The following BRAT1 variants were observed in gnomAD, a reference collection of about 807,000 sequenced individuals.
The protein encoded by BRAT1 is BRCA1 associated ATM activator 1, also known as integrator complex assembly factor BRAT1.
In BRAT1, 74 loss-of-function variants were observed where a neutral mutation model predicts 70.6. That is an observed-to-expected ratio of 1.05 (90% CI 0.87 to 1.27). The LOEUF (loss-of-function observed/expected upper bound fraction) is 1.27, where lower values mean the gene tolerates loss of function less well. BRAT1 is among the 50% of genes most tolerant of loss of function. The pLI, the probability that BRAT1 is intolerant of heterozygous loss-of-function variation, is 0.00. For synonymous variants in BRAT1, 615 were observed against 517.1 expected, an observed-to-expected ratio of 1.19 and a Z score of -2.57; for missense variants, 1,203 against 1,098.2, an observed-to-expected ratio of 1.10 and a Z score of -1.35.
Position 2,539,681 on chromosome 7 carries a change from C to T in BRAT1, c.1499-39G>A, listed in dbSNP as rs113400040. 8.3e-6 allele frequency: 13 copies of T among 1,559,386 alleles called. No homozygotes were observed. In the African/African-American group the frequency reaches 9.5e-5, roughly 11 times the overall value. ...GGACAGGTCAGGGTGACCTTGGGGCCAGGCTCACCCTGCCCTCAGAGCCAG... is the reference window on the plus strand; with the variant it reads ...GGACAGGTCAGGGTGACCTTGGGGCTAGGCTCACCCTGCCCTCAGAGCCAG... On this transcript the variant is annotated intron_variant, in intron 11 of 13. Transcript: ENST00000340611.
intron 3 of BRAT1, among the ~76,000 whole-genome samples, chr7:2,546,957 C>A (rs1049127829): frequency 6.6e-6 from 1 of 151,968 alleles, no homozygotes. Context: ...GGGGCAGCTA[C>A]GACTCCTGTC....
rs762783345 is a variant in BRAT1 at position 2,543,828 on chromosome 7, C to T, written c.565G>A (p.Gly189Ser). 11 of 1,612,898 alleles carry T rather than the reference C, an allele frequency of 6.8e-6. No individual in the cohort carries two copies. The highest frequency in any genetic ancestry group is 6.6e-5 in the South Asian group (6 of 91,068). The stretch of plus-strand genomic sequence containing the variant: ...TTCTGGGCACACGCGGGCCAGTCAC[C>T]CCCCGGCAGGCAGGGCTGCCCCTCG... Reference protein sequence around the residue: ...GAEGQPCLPGGDWPACAQKIM... With the variant: ...GAEGQPCLPGSDWPACAQKIM... Residue 189 changes from glycine (G) to serine (S), a missense_variant, in exon 5 of 14, where the codon GGT (glycine) becomes AGT (serine). Gly to Ser is a moderately conservative substitution (Grantham distance 56). Transcript: ENST00000340611. This position sits in a 1 kb window ranked among gnomAD's most constrained non-coding sequence, Gnocchi z 5.5.
At chr7:2,540,858 C>T (rs1779091264) in intron 10 of BRAT1, 121 bp downstream of exon 10, 1 of 1,048,680 alleles carries the variant, frequency 9.5e-7, no homozygotes, top group Non-Finnish European at 1.3e-6. Flanking sequence ...TGAGCAGCAG[C>T]TCTGTGGCCC....
chr7:2,540,050 A>G lies in BRAT1; in HGVS notation c.1396-162T>C, dbSNP rs961326279. ...CTGGGCTTCCTTCTTTTTTAGAGAC[A>G]GGGTCTCAATGTGTCATCCAGGCTG... On this transcript the variant is annotated intron_variant, in intron 10 of 13. Coordinates refer to ENST00000340611, the MANE Select transcript of BRAT1 (RefSeq NM_152743.4). 4 of 574,836 alleles carry G rather than the reference A, an allele frequency of 7.0e-6. No individual in the cohort carries two copies. In the African/African-American group the frequency reaches 7.7e-5, roughly 11 times the overall value. The allele number at this position is 574,836 out of a possible 1,614,324, so 35.6% of individuals were successfully genotyped here.
In BRAT1 at chr7:2,538,418, C is replaced by T; in HGVS notation, c.2117G>A (p.Cys706Tyr). The change falls in exon 14 of 14, where the codon TGT (cysteine) becomes TAT (tyrosine). Residue 706 changes from cysteine (C) to tyrosine (Y), a missense_variant. Coordinates refer to ENST00000340611, the MANE Select transcript of BRAT1 (RefSeq NM_152743.4). Reference sequence around the variant, plus strand: ...AGGGCGGTCGCAGTCAAACAAGGCACAAAAGGCGAAGTCAAAGAGCCCCAC... The same window carrying T: ...AGGGCGGTCGCAGTCAAACAAGGCATAAAAGGCGAAGTCAAAGAGCCCCAC... ...CHVGLFDFAFCALFDCDRPVA... is the reference protein window; with the variant it reads ...CHVGLFDFAFYALFDCDRPVA... 1 of 1,613,500 alleles carries T rather than the reference C, an allele frequency of 6.2e-7. No homozygotes were observed. Among genetic ancestry groups the T allele is most frequent in the Non-Finnish European group, 8.5e-7 (1 of 1,179,962 alleles).
chr7:2,539,217 G>A lies in BRAT1; in HGVS notation c.1732C>T (p.His578Tyr), dbSNP rs747577493. ...GCATGCTCAGGGCTGGTGGGGGCGT[G>A]CAGGCCCTGGCTGGACAGCTGCCCC... ...AMGQLSSQGL[H>Y]APTSPEHAEA... The change falls in exon 13 of 14, where the codon CAC (histidine) becomes TAC (tyrosine). Residue 578 changes from histidine to tyrosine, a missense_variant. Transcript: ENST00000340611. 35 of 1,610,116 alleles carry A rather than the reference G, an allele frequency of 2.2e-5. No homozygotes were observed. Among genetic ancestry groups the A allele is most frequent in the Non-Finnish European group, 3.0e-5 (35 of 1,179,348 alleles).
Position 2,544,894 on chromosome 7 carries a change from T to C in BRAT1, c.430+15A>G. On this transcript the variant is annotated intron_variant, in intron 4 of 13. Transcript: ENST00000340611. Reference sequence around the variant, plus strand: ...AGGCAGGATGAGGAATGGGGTGGGGTGTGGGCGCACTCACCATGGTCGGCC... The same window carrying C: ...AGGCAGGATGAGGAATGGGGTGGGGCGTGGGCGCACTCACCATGGTCGGCC... 5 of 1,548,084 alleles carry C rather than the reference T, an allele frequency of 3.2e-6. No individual in the cohort carries two copies. The highest frequency in any genetic ancestry group is 4.4e-6 in the Non-Finnish European group (5 of 1,146,372).
rs139111440 is a variant in BRAT1 at position 2,538,336 on chromosome 7, G to A, written c.2199C>T (p.Tyr733=). The A allele has an allele frequency of 3.3e-5, 53 of 1,613,068 alleles. No homozygotes were observed. The Middle Eastern group carries it at 9.9e-4, about 30-fold the overall frequency. ...TGCCCCTGGCCTCCCGCAGGCTGCT[G>A]TAGGAAGCAATCTTGTCCCTCAGGA... is the stretch of plus-strand genomic sequence containing the variant. ...LLFLRDKIAS[Y]SSLREARGSP... The change falls in exon 14 of 14, where the codon TAC becomes TAT. Residue 733 remains tyrosine, a synonymous_variant. Transcript: ENST00000340611.
chr7:2,541,698 G>A lies in BRAT1; in HGVS notation c.1134+20C>T, dbSNP rs1779179483. 2 of 1,595,288 alleles carry A rather than the reference G, an allele frequency of 1.3e-6. No homozygotes were observed. The highest frequency in any genetic ancestry group is 1.7e-4 in the Middle Eastern group (1 of 5,796). On this transcript the variant is annotated intron_variant, in intron 8 of 13. Coordinates refer to ENST00000340611, the MANE Select transcript of BRAT1 (RefSeq NM_152743.4). ...CAGCGTGGATGCTGCTGGGCTGCAT[G>A]AGGACCGGGCCGCACCTACCAGCGG...
Position 2,542,222 on chromosome 7 carries a change from A to G in BRAT1, c.924-11T>C. ...CTCAGTGCCTGTGGACTGGAGACAA[A>G]CGCGAGGTGAGTGCCGCGACCCTGG... On this transcript the variant is annotated splice_polypyrimidine_tract_variant and intron_variant, in intron 6 of 13. Transcript: ENST00000340611. The G allele has an allele frequency of 6.4e-7, 1 of 1,552,898 alleles. No individual in the cohort carries two copies. Among genetic ancestry groups the G allele is most frequent in the Non-Finnish European group, 8.7e-7 (1 of 1,147,270 alleles).
intron 6 of BRAT1, 93 bp from the exon 7 acceptor site, chr7:2,542,304 C>T: frequency 9.1e-7 from 1 of 1,103,170 alleles, no homozygotes; most frequent in South Asian, 1.4e-5. Flanking sequence ...GGCAAATCAG[C>T]CAGGGGGTTG....
At chr7:2,550,013 A>T (rs540979598) in intron 2 of BRAT1, among the ~76,000 whole-genome samples, 3 of 151,700 alleles carry the variant, frequency 2.0e-5, no homozygotes, top group African/African-American at 7.3e-5. Context: ...AATACAAAAA[A>T]TTAGCTGGGT....
At chr7:2,539,126 C>A in intron 13 of BRAT1, 53 bp downstream of exon 13, 1 of 1,549,406 alleles carries the variant, frequency 6.5e-7, no homozygotes. Flanking sequence ...AGCAAACGAG[C>A]ACACACGATG....
chr7:2,544,183 A>C, intron 4 of BRAT1: 1 of 354,110 alleles, frequency 2.8e-6, no homozygotes, highest in East Asian at 4.3e-5. Flanking sequence ...ATGCTTCCCA[A>C]TTCGTTCCTT....
At position 2,541,474 on chromosome 7, in the gene BRAT1, G is replaced by A. The variant is rs764217833; in HGVS notation, c.1145C>T (p.Pro382Leu). ...TAGAGACGCCTGGGGCCACGGTGAA[G>A]GGCGCTGGGGCTGCGAGGAAGAGGG... Reference protein sequence around the residue: ...LEELQPLPQRPSPWPQASLLG... With the variant: ...LEELQPLPQRLSPWPQASLLG... The change falls in exon 9 of 14, where the codon CCT (proline) becomes CTT (leucine). Residue 382 changes from proline to leucine, a missense_variant. Coordinates refer to ENST00000340611, the MANE Select transcript of BRAT1 (RefSeq NM_152743.4). The A allele has an allele frequency of 3.9e-6, 6 of 1,535,808 alleles. No homozygotes were observed. Among genetic ancestry groups the A allele is most frequent in the South Asian group, 2.4e-5 (2 of 83,542 alleles).
Position 2,541,468 on chromosome 7 carries a change from G to A in BRAT1, c.1151C>T (p.Pro384Leu), listed in dbSNP as rs1459765153. Reference protein sequence around the residue: ...ELQPLPQRPSPWPQASLLGAT... With the variant: ...ELQPLPQRPSLWPQASLLGAT... ...CCCCAGTAGAGACGCCTGGGGCCAC[G>A]GTGAAGGGCGCTGGGGCTGCGAGGA... The change falls in exon 9 of 14, where the codon CCG (proline) becomes CTG (leucine). Residue 384 changes from proline to leucine, a missense_variant. Pro to Leu is a moderately conservative substitution (Grantham distance 98). Transcript: ENST00000340611. 37 of 1,548,918 alleles carry A rather than the reference G, an allele frequency of 2.4e-5. No individual in the cohort carries two copies. Among genetic ancestry groups the A allele is most frequent in the Non-Finnish European group, 2.8e-5 (32 of 1,147,332 alleles).
chr7:2,541,910 C>A, intron 7 of BRAT1, 74 bp from the exon 8 acceptor site: 1 of 1,496,042 alleles, frequency 6.7e-7, no homozygotes, highest in Non-Finnish European at 9.2e-7. Context: ...ACCCCACGGT[C>A]ACCACCCACA....
chr7:2,543,653 A>G lies in BRAT1; in HGVS notation c.740T>C (p.Leu247Pro). ...WVRLSPRVACLLERDPIPAAH... is the reference protein window; with the variant it reads ...WVRLSPRVACPLERDPIPAAH... The stretch of plus-strand genomic sequence containing the variant: ...GGCGGGGATGGGGTCTCTCTCCAGC[A>G]GACAGGCCACGCGGGGACTCAGCCG... Residue 247 changes from leucine (L) to proline (P), a missense_variant, in exon 5 of 14, where the codon CTG becomes CCG. Physicochemically the swap from Leu to Pro is moderately conservative, Grantham distance 98 (BLOSUM62 -3). Transcript: ENST00000340611. This position sits in a 1 kb window ranked among gnomAD's most constrained non-coding sequence, Gnocchi z 5.5. 1 of 1,552,676 alleles carries G rather than the reference A, an allele frequency of 6.4e-7. No individual in the cohort carries two copies. Among genetic ancestry groups the G allele is most frequent in the Non-Finnish European group, 8.7e-7 (1 of 1,144,220 alleles).
chr7:2,539,026 C>G (rs1778923792), intron 13 of BRAT1, 153 bp downstream of exon 13: 1 of 1,438,338 alleles, frequency 7.0e-7, no homozygotes, highest in African/African-American at 1.4e-5. Context: ...ACACCCAGCA[C>G]AGCCCCAGGG....
Sources: allele counts gnomAD v4.1 joint callset (sites outside exome capture counted in the v4.1 genomes callset), GRCh38; gene constraint gnomAD v4.1.1; non-coding constraint Gnocchi (gnomAD v3.1); transcripts MANE v1.5; gene names NCBI Gene and HGNC (gene_info 2026-07-23, HGNC 2026-07-21).